The following SAFB2 variants were observed in gnomAD, a reference collection of about 807,000 sequenced individuals.
The protein encoded by SAFB2 is scaffold attachment factor B2.
A neutral mutation model predicts 100.6 loss-of-function variants in SAFB2; 32 were observed. The observed-to-expected ratio is 0.32, with a 90% CI of 0.24 to 0.43. The LOEUF is 0.43. Ranked by LOEUF, SAFB2 falls within the 20% of genes least tolerant of loss-of-function variation. SAFB2 has a pLI of 1.00. For synonymous variants in SAFB2, 500 were observed against 439.4 expected, an observed-to-expected ratio of 1.14 and a Z score of -1.72; for missense variants, 1,185 against 1,163.4, an observed-to-expected ratio of 1.02 and a Z score of -0.27.
At position 5,613,685 on chromosome 19, in the gene SAFB2, G is replaced by A. The variant is rs938142288; in HGVS notation, c.544-158C>T. 29 of 985,318 alleles carry A rather than the reference G, an allele frequency of 2.9e-5. No homozygotes were observed. In the South Asian group the frequency reaches 7.5e-4, roughly 26 times the overall value. 61.0% of individuals were successfully genotyped at this position (985,318 alleles called of 1,614,324 possible). ...CATTCAGTTCAGCACCTGCCTCTCC[G>A]CCAGAACACACACTCCACGACTCTG... On this transcript the variant is annotated intron_variant, in intron 4 of 20. Coordinates refer to ENST00000252542, the MANE Select transcript of SAFB2 (RefSeq NM_014649.3).
chr19:5,591,915 T>C, intron 16 of SAFB2, 122 bp from the exon 17 acceptor site: 1 of 950,332 alleles, frequency 1.1e-6, no homozygotes, highest in Non-Finnish European at 1.6e-6. Context: ...ATAACTGGCC[T>C]GGGAAAAAAG....
chr19:5,617,522 A>G (rs772635129), intron 2 of SAFB2, among the ~76,000 whole-genome samples: 12 of 152,210 alleles, frequency 7.9e-5, no homozygotes, highest in African/African-American at 1.4e-4. Context: ...CAAAACATAG[A>G]TATCTGTCCT....
Position 5,587,488 on chromosome 19 carries a change from A to G in SAFB2, c.2706-89T>C. 6.7e-7 allele frequency: 1 copy of G among 1,502,542 alleles called. No homozygotes were observed. Among genetic ancestry groups the G allele is most frequent in the Non-Finnish European group, 8.9e-7 (1 of 1,119,004 alleles). The allele number at this position is 1,502,542 out of a possible 1,614,324, so 93.1% of individuals were successfully genotyped here. A position where few individuals can be genotyped will look rare whatever the true frequency, so the allele number is the denominator to read the frequency against. Reference sequence around the variant, plus strand: ...GTTCAGTAACGGTCCCGCAGCCTTTAGAGCGCTTGGGTTTTTTTTCCAGGT... The same window carrying G: ...GTTCAGTAACGGTCCCGCAGCCTTTGGAGCGCTTGGGTTTTTTTTCCAGGT... On this transcript the variant is annotated intron_variant, in intron 20 of 20. Transcript: ENST00000252542. The surrounding 1 kb of genome is among the most constrained non-coding windows in gnomAD (Gnocchi z 4.9).
In SAFB2 at chr19:5,598,899, A is replaced by G; in HGVS notation, c.1691-15T>C. 1 of 1,613,250 alleles carries G rather than the reference A, an allele frequency of 6.2e-7. No homozygotes were observed. Among genetic ancestry groups the G allele is most frequent in the Non-Finnish European group, 8.5e-7 (1 of 1,179,368 alleles). On this transcript the variant is annotated splice_polypyrimidine_tract_variant and intron_variant, in intron 12 of 20. Transcript: ENST00000252542. ...TCCTCTGCTTCCTTCAGGAAAAAAC[A>G]CAACAAACTATCAAAACCTGTGGAC...
chr19:5,617,573 C>G (rs1384914611), intron 2 of SAFB2, among the ~76,000 whole-genome samples: 1 of 152,168 alleles, frequency 6.6e-6, no homozygotes, highest in African/African-American at 2.4e-5. Flanking sequence ...CAAATTACAG[C>G]ATATTTTCAT....
At chr19:5,603,167 C>T (rs180725710) in intron 11 of SAFB2, among the ~76,000 whole-genome samples, 1 of 152,158 alleles carries the variant, frequency 6.6e-6, no homozygotes, top group South Asian at 2.1e-4. Flanking sequence ...ACTAGGGAGG[C>T]TGAGGTGGGA....
At position 5,600,165 on chromosome 19, in the gene SAFB2, G is replaced by C; in HGVS notation, c.1655C>G (p.Pro552Arg). ...GACTCTAGACCGATTTGTAGGTCCG[G>C]GTTTCAGCTCATCCTGGTCTTTTTC... ...KEEKDQDELK[P>R]GPTNRSRVTK... is the part of the protein sequence containing the mutation. The change falls in exon 12 of 21, where the codon CCC (proline) becomes CGC (arginine). Residue 552 changes from proline (P) to arginine (R), a missense_variant. Around this residue, in one of 3 missense-constraint regions of SAFB2, gnomAD observed 740 missense variants for 687.1 expected, o/e 1.08. Coordinates refer to ENST00000252542, the MANE Select transcript of SAFB2 (RefSeq NM_014649.3). 1 of 1,613,938 alleles carries C rather than the reference G, an allele frequency of 6.2e-7. No individual in the cohort carries two copies. The highest frequency in any genetic ancestry group is 8.5e-7 in the Non-Finnish European group (1 of 1,179,988).
Position 5,622,692 on chromosome 19 carries a change from C to G in SAFB2, c.24G>C (p.Ser8=). MAETLPG[S]GDSGPGTASL... ...AAGCCGTGCCAGGGCCCGAGTCGCC[C>G]GACCCGGGCAGAGTCTCCGCCATCG... The change falls in exon 1 of 21, where the codon TCG becomes TCC. Residue 8 remains serine (S), a synonymous_variant. Transcript: ENST00000252542. 6.2e-7 allele frequency: 1 copy of G among 1,605,498 alleles called. No homozygotes were observed.
In SAFB2 at chr19:5,592,691, T is replaced by G. The variant is rs2052436118; in HGVS notation, c.2348+56A>C. 2.5e-6 allele frequency: 4 copies of G among 1,604,022 alleles called. No homozygotes were observed. The Admixed American group carries it at 6.7e-5, about 27-fold the overall frequency. ...GCACTGGGCTGAGAACGAGGTCAGCTGGATGCCCCGGTGCCCACAATGACT... is the reference window on the plus strand; with the variant it reads ...GCACTGGGCTGAGAACGAGGTCAGCGGGATGCCCCGGTGCCCACAATGACT... On this transcript the variant is annotated intron_variant, in intron 16 of 20. Transcript: ENST00000252542.
At chr19:5,611,067 C>G (rs2145350931) in intron 7 of SAFB2, 53 bp downstream of exon 7, 1 of 280,172 alleles carries the variant, frequency 3.6e-6, no homozygotes, top group Non-Finnish European at 6.6e-6. Flanking sequence ...TGTGTCATTA[C>G]ATGACCAATG....
In SAFB2 at chr19:5,604,959, ACTCT is replaced by A. The variant is rs1444103580; in HGVS notation, c.1297-27_1297-24del. On this transcript the variant is annotated intron_variant, in intron 9 of 20. Coordinates refer to ENST00000252542, the MANE Select transcript of SAFB2 (RefSeq NM_014649.3). ...AACCTTCATGAAAAAGGGCACTCTT[ACTCT>A]CTCATACAAATGACCACACAACTTG... The A allele has an allele frequency of 2.5e-6, 4 of 1,606,970 alleles. No individual in the cohort carries two copies. In the South Asian group the frequency reaches 4.4e-5, roughly 18 times the overall value.
At chr19:5,618,877 C>T (rs971947426) in intron 2 of SAFB2, among the ~76,000 whole-genome samples, 1 of 152,246 alleles carries the variant, frequency 6.6e-6, no homozygotes, top group African/African-American at 2.4e-5. Context: ...CACATGGCAT[C>T]TAAAACTTAA....
chr19:5,620,506 T>A (rs1170735871), intron 2 of SAFB2, among the ~76,000 whole-genome samples: 1 of 152,244 alleles, frequency 6.6e-6, no homozygotes, highest in South Asian at 2.1e-4. Flanking sequence ...TAAACAGGAA[T>A]GAAGTATCAA....
At position 5,621,374 on chromosome 19, in the gene SAFB2, T is replaced by A. The variant is rs1469524068; in HGVS notation, c.209A>T (p.Asp70Val). ...TAACTCGATGCCAATTTCATCAGGA[T>A]CTTGCCCCTCTTCTTTAACCGCCTA... ...LKKAVKEEGQ[D>V]PDEIGIELEA... Residue 70 changes from aspartate (D) to valine (V), a missense_variant, in exon 2 of 21, where the codon GAT becomes GTT. By Grantham distance (152) the Asp-to-Val change is radical. Around this residue, in one of 3 missense-constraint regions of SAFB2, gnomAD observed 351 missense variants for 341.2 expected, o/e 1.03. Transcript: ENST00000252542. The A allele has an allele frequency of 6.2e-7, 1 of 1,613,268 alleles. No homozygotes were observed. Among genetic ancestry groups the A allele is most frequent in the Non-Finnish European group, 8.5e-7 (1 of 1,179,284 alleles).
At chr19:5,614,807 C>T (rs918476264) in intron 4 of SAFB2, among the ~76,000 whole-genome samples, 10 of 152,244 alleles carry the variant, frequency 6.6e-5, no homozygotes, top group African/African-American at 2.4e-4. Flanking sequence ...GAGCAAAGTT[C>T]CTCCTTTACA....
intron 11 of SAFB2, 145 bp downstream of exon 11, chr19:5,604,438 A>G: frequency 1.6e-6 from 1 of 616,508 alleles, no homozygotes; most frequent in South Asian, 2.0e-5. Context: ...GCAGCAGAAC[A>G]CAAAAATCAG....
At chr19:5,609,705 T>C (rs1288680696) in intron 9 of SAFB2, among the ~76,000 whole-genome samples, 1 of 152,224 alleles carries the variant, frequency 6.6e-6, no homozygotes. Context: ...TTCTGAGCAC[T>C]GTTGTGATAT....
At chr19:5,616,622 A>C in intron 2 of SAFB2, 136 bp from the exon 3 acceptor site, 1 of 651,680 alleles carries the variant, frequency 1.5e-6, no homozygotes. Context: ...TGTCACACGT[A>C]ATTTTGTCTC....
chr19:5,616,567 TAGAAC>T (rs2053036296), intron 2 of SAFB2, 81 bp from the exon 3 acceptor site: 6 of 1,182,046 alleles, frequency 5.1e-6, no homozygotes, highest in Admixed American at 5.0e-5. Context: ...ATTTCAATCT[TAGAAC>T]AGAACACATT....
Sources: allele counts gnomAD v4.1 joint callset (sites outside exome capture counted in the v4.1 genomes callset), GRCh38; gene constraint gnomAD v4.1.1; regional missense constraint gnomAD v4.1.1; non-coding constraint Gnocchi (gnomAD v3.1); transcripts MANE v1.5; gene names NCBI Gene and HGNC (gene_info 2026-07-23, HGNC 2026-07-21).